The following SLIT3 variants were observed in gnomAD, a reference collection of about 807,000 sequenced individuals.
The protein encoded by SLIT3 is slit homolog 3 protein.
A neutral mutation model predicts 184.0 loss-of-function variants in SLIT3; 68 were observed. The ratio of observed to expected loss-of-function variants is 0.37; its 90% CI spans 0.30 to 0.45. The LOEUF is 0.45. Ranked by LOEUF, SLIT3 falls within the 20% of genes least tolerant of loss-of-function variation. The probability of loss-of-function intolerance (pLI) is 1.00; values close to 1 mark genes in which losing one functional copy is unlikely to be tolerated. For synonymous variants in SLIT3, 831 were observed against 828.6 expected, an observed-to-expected ratio of 1.00 and a Z score of -0.05; for missense variants, 1,707 against 2,026.0, an observed-to-expected ratio of 0.84 and a Z score of 3.02.
At chr5:168,996,430 G>T (rs1561596520) in intron 4 of SLIT3, among the ~76,000 whole-genome samples, 1 of 152,162 alleles carries the variant, frequency 6.6e-6, no homozygotes, top group Admixed American at 6.5e-5. Context: ...CATTTTTAAT[G>T]AACATCAATA....
At chr5:169,158,472 C>CT (rs938667885) in intron 4 of SLIT3, among the ~76,000 whole-genome samples, 2 of 149,762 alleles carry the variant, frequency 1.3e-5, no homozygotes, top group African/African-American at 2.5e-5. Context: ...TAAAAGATGG[C>CT]TAAAAAAAAA....
intron 4 of SLIT3, among the ~76,000 whole-genome samples, chr5:169,091,266 A>G (rs1221969072): frequency 6.6e-6 from 1 of 152,174 alleles, no homozygotes; most frequent in Non-Finnish European, 1.5e-5. Context: ...TTCCTACCCT[A>G]TAAGCCAGCC....
chr5:168,929,713 T>C (rs1232840432), intron 4 of SLIT3, among the ~76,000 whole-genome samples: 3 of 152,212 alleles, frequency 2.0e-5, no homozygotes, highest in South Asian at 2.1e-4. Context: ...CATGAGCAGA[T>C]AGTAAAACCT....
Position 168,883,327 on chromosome 5 carries a change from A to G in SLIT3, c.423T>C (p.Ser141=). The change falls in exon 5 of 36, where the codon AGT becomes AGC. Residue 141 remains serine (S), a synonymous_variant. Coordinates refer to ENST00000519560, the MANE Select transcript of SLIT3 (RefSeq NM_003062.4). ...TCGGGATCCCCTGGATCTGGTTTTCACTCAAATCTCTAAACAAGAAGAGAA... is the reference window on the plus strand; with the variant it reads ...TCGGGATCCCCTGGATCTGGTTTTCGCTCAAATCTCTAAACAAGAAGAGAA... The part of the protein sequence containing the change: ...STPKLTRLDL[S]ENQIQGIPRK... 6.2e-7 allele frequency: 1 copy of G among 1,613,758 alleles called. No individual in the cohort carries two copies. The highest frequency in any genetic ancestry group is 8.5e-7 in the Non-Finnish European group (1 of 1,179,668).
intron 4 of SLIT3, among the ~76,000 whole-genome samples, chr5:168,924,495 T>TGG (rs773299025): frequency 7.3e-6 from 1 of 137,482 alleles, no homozygotes; most frequent in Non-Finnish European, 1.5e-5. Context: ...TGTGTAAGGG[T>TGG]GTGTGTGTGT....
At chr5:169,291,139 C>T (rs1313572249) in intron 1 of SLIT3, among the ~76,000 whole-genome samples, 5 of 152,078 alleles carry the variant, frequency 3.3e-5, no homozygotes, top group Non-Finnish European at 5.9e-5. Context: ...CAGTCACACT[C>T]GACTCCAGCC....
At chr5:169,233,245 G>A (rs968194990) in intron 3 of SLIT3, among the ~76,000 whole-genome samples, 9 of 152,110 alleles carry the variant, frequency 5.9e-5, no homozygotes, top group Non-Finnish European at 8.8e-5. Flanking sequence ...GGATGGTCTC[G>A]ATCTCCAGAC....
At chr5:169,009,031 C>A (rs1756040102) in intron 4 of SLIT3, among the ~76,000 whole-genome samples, 1 of 152,058 alleles carries the variant, frequency 6.6e-6, no homozygotes, top group Non-Finnish European at 1.5e-5. Context: ...GGATTTGAAC[C>A]AAGGCAGCTT....
At chr5:169,193,650 A>C in intron 3 of SLIT3, 100 bp from the exon 4 acceptor site, 1 of 869,346 alleles carries the variant, frequency 1.2e-6, no homozygotes. Context: ...ATCAATAGGC[A>C]TTAAGAGACT....
chr5:168,922,939 G>A (rs1018341095), intron 4 of SLIT3, among the ~76,000 whole-genome samples: 1 of 152,184 alleles, frequency 6.6e-6, no homozygotes, highest in African/African-American at 2.4e-5. Flanking sequence ...CTTAATACCT[G>A]AACATATGTA....
At chr5:169,175,652 T>C (rs1174554741) in intron 4 of SLIT3, among the ~76,000 whole-genome samples, 1 of 152,224 alleles carries the variant, frequency 6.6e-6, no homozygotes, top group African/African-American at 2.4e-5. Context: ...CGTCTTCCTA[T>C]GTTCACAGCC....
At chr5:168,823,615 T>G (rs1197907154) in intron 6 of SLIT3, among the ~76,000 whole-genome samples, 1 of 152,222 alleles carries the variant, frequency 6.6e-6, no homozygotes, top group East Asian at 1.9e-4. Context: ...TCCTATGCAC[T>G]GAGTGCTTCA....
At chr5:168,883,087 G>T (rs1553536) in intron 5 of SLIT3, among the ~76,000 whole-genome samples, 178 bp downstream of exon 5, 7,541 of 152,238 alleles carry the variant, frequency 0.05, 261 homozygotes, top group East Asian at 0.098. Flanking sequence ...CAAAGCACAG[G>T]TTTCTGTGAC....
chr5:169,090,036 A>C (rs1487446121), intron 4 of SLIT3, among the ~76,000 whole-genome samples: 1 of 152,190 alleles, frequency 6.6e-6, no homozygotes, highest in Non-Finnish European at 1.5e-5. Flanking sequence ...GCAGGTGACA[A>C]GAGAACTGAG....
intron 6 of SLIT3, among the ~76,000 whole-genome samples, chr5:168,833,382 G>A (rs1192770911): frequency 1.3e-5 from 2 of 152,158 alleles, no homozygotes; most frequent in Non-Finnish European, 2.9e-5. Flanking sequence ...TTTACAGCTT[G>A]GGCTAACTGG....
In SLIT3 at chr5:168,937,700, T is replaced by G. The variant is rs1030308166; in HGVS notation, c.414-54364A>C. ...TGAGGATCCCAGGTCGGTCACTGATTCGCTGCATGACTTCGGGTGAGCCAC... is the reference window on the plus strand; with the variant it reads ...TGAGGATCCCAGGTCGGTCACTGATGCGCTGCATGACTTCGGGTGAGCCAC... On this transcript the variant is annotated intron_variant, in intron 4 of 35. Transcript: ENST00000519560. 2.6e-5 allele frequency among the ~76,000 whole-genome samples: 4 copies of G among 152,094 alleles called. No homozygotes were observed. In the South Asian group the frequency reaches 6.2e-4, roughly 24 times the overall value.
At position 168,712,376 on chromosome 5, in the gene SLIT3, G is replaced by A. The variant is rs200851663; in HGVS notation, c.2484-22C>T. The A allele has an allele frequency of 1.1e-3, 1,792 of 1,610,600 alleles. 2 individuals carry two copies. Among genetic ancestry groups the A allele is most frequent in the Non-Finnish European group, 1.4e-3 (1,670 of 1,176,828 alleles). ...GGTTCTGAAGCAGAGGGCACAGGTC[G>A]GAAGGTTAGCATCCACTAATTTGAA... On this transcript the variant is annotated intron_variant, in intron 23 of 35. Transcript: ENST00000519560.
intron 4 of SLIT3, among the ~76,000 whole-genome samples, chr5:169,174,954 A>G (rs550381434): frequency 2.9e-4 from 16 of 55,804 alleles, no homozygotes; most frequent in Non-Finnish European, 5.4e-4. Flanking sequence ...TCTTTTCACA[A>G]CTGTTTGGGC....
intron 4 of SLIT3, among the ~76,000 whole-genome samples, chr5:168,997,414 C>T (rs1204432594): frequency 6.6e-6 from 1 of 152,156 alleles, no homozygotes; most frequent in East Asian, 1.9e-4. Context: ...TTTGTGGAAT[C>T]AAGTCCTATT....
Sources: gnomAD v4.1 joint callset for allele counts (sites outside exome capture counted in the v4.1 genomes callset) on GRCh38, gnomAD v4.1.1 for gene constraint, MANE v1.5 for transcripts, NCBI Gene and HGNC (gene_info 2026-07-23, HGNC 2026-07-21) for gene names.